POLG: variants seen among roughly 807,000 people sequenced by gnomAD.
POLG encodes the protein DNA polymerase gamma, catalytic subunit.
Under a neutral mutation model 155.4 loss-of-function variants are expected in POLG, and 110 were observed. The observed-to-expected ratio is 0.71, with a 90% CI of 0.61 to 0.83. The LOEUF is 0.83. Among genes scored for constraint, POLG ranks in the 40% least tolerant of loss-of-function variants. POLG has a pLI of 0.00. For synonymous variants in POLG, 701 were observed against 631.5 expected (o/e 1.11, Z -1.65); for missense variants, 1,685 against 1,627.5 (o/e 1.04, Z -0.61).
chr15:89,326,223 C>A (rs996107708), intron 9 of POLG, among the ~76,000 whole-genome samples: 8 of 152,178 alleles, frequency 5.3e-5, no homozygotes, highest in Admixed American at 6.5e-5. Context: ...GGAAGGGGCA[C>A]CTTCTCAAGG....
chr15:89,316,892 A>AGCAAAGGAGCTTAAT, intron 22 of POLG, 65 bp from the exon 23 acceptor site: 1 of 1,156,660 alleles, frequency 8.6e-7, no homozygotes, highest in Non-Finnish European at 1.3e-6. Context: ...CTCAGAAGTG[A>AGCAAAGGAGCTTAAT]GCAAAGGAGC....
chr15:89,325,824 C>T, intron 9 of POLG, 138 bp from the exon 10 acceptor site: 1 of 755,304 alleles, frequency 1.3e-6, no homozygotes, highest in Admixed American at 1.9e-5. Context: ...AGCCGCCATC[C>T]CCTCCTCTGG....
chr15:89,319,741 G>A (rs1209487670), intron 18 of POLG, among the ~76,000 whole-genome samples: 1 of 152,158 alleles, frequency 6.6e-6, no homozygotes, highest in East Asian at 1.9e-4. Context: ...GGGGGGATAG[G>A]GGTAAGAATA....
intron 10 of POLG, 198 bp from the exon 11 acceptor site, chr15:89,324,425 T>C (rs567258251): frequency 2.2e-5 from 15 of 679,548 alleles, no homozygotes; most frequent in Non-Finnish European, 3.9e-5. Flanking sequence ...GGCAGCAGGC[T>C]GGGGTTCAAG....
intron 22 of POLG, 52 bp downstream of exon 22, chr15:89,317,324 C>A: frequency 6.3e-7 from 1 of 1,582,786 alleles, no homozygotes; most frequent in Non-Finnish European, 8.7e-7. Flanking sequence ...GACCCACTTT[C>A]TAGTCCACCT....
In POLG at chr15:89,331,419, C is replaced by A. The variant is rs529988977; in HGVS notation, c.660-1143G>T. Among the ~76,000 whole-genome samples, 7 of 152,270 alleles carry A rather than the reference C, an allele frequency of 4.6e-5. No homozygotes were observed. In the South Asian group the frequency reaches 1.5e-3, roughly 32 times the overall value. On this transcript the variant is annotated intron_variant, in intron 2 of 22. Transcript: ENST00000268124. ...AGGAACTTTGGTTACAGTAAAAAGC[C>A]ACACTGGTGTCAAGATGCAGCTCTG...
Position 89,325,221 on chromosome 15 carries a change from A to AGT in POLG, c.1949+228_1949+229insAC, listed in dbSNP as rs1261996558. Among the ~76,000 whole-genome samples the AGT allele has an allele frequency of 5.2e-5, 5 of 96,726 alleles. 1 individual carries two copies. Among genetic ancestry groups the AGT allele is most frequent in the African/African-American group, 2.5e-4 (5 of 20,320 alleles). 63.5% of individuals were successfully genotyped at this position (96,726 alleles called of 152,430 possible). ...GAGTGAGTGAGAGAGTGAGTGAGTG[A>AGT]GAGAGTGAGTGAGAGAGTGAGTGAG... On this transcript the variant is annotated intron_variant, in intron 10 of 22. Transcript: ENST00000268124.
At chr15:89,328,424 C>A in intron 6 of POLG, 32 bp downstream of exon 6, 1 of 1,560,524 alleles carries the variant, frequency 6.4e-7, no homozygotes, top group Non-Finnish European at 8.8e-7. Context: ...ACACACTGAC[C>A]CCCAGAGATT....
At chr15:89,320,617 C>A in intron 18 of POLG, 149 bp downstream of exon 18, 1 of 895,928 alleles carries the variant, frequency 1.1e-6, no homozygotes, top group Non-Finnish European at 1.7e-6. Flanking sequence ...GACAAATCAT[C>A]CTGGAACCAG....
intron 9 of POLG, among the ~76,000 whole-genome samples, chr15:89,326,262 G>A (rs967104911): frequency 3.9e-5 from 6 of 152,222 alleles, no homozygotes; most frequent in Non-Finnish European, 8.8e-5. Context: ...TCCCGAGGCA[G>A]AGTCAGAACT....
chr15:89,326,871 A>G (rs1162502007), intron 8 of POLG, 41 bp downstream of exon 8: 2 of 1,612,828 alleles, frequency 1.2e-6, no homozygotes, highest in East Asian at 2.2e-5. Context: ...CTTCCCAGAG[A>G]CAACCCCTAC....
chr15:89,332,678 G>T (rs2055609897), intron 2 of POLG, among the ~76,000 whole-genome samples: 1 of 152,060 alleles, frequency 6.6e-6, no homozygotes, highest in African/African-American at 2.4e-5. Flanking sequence ...TACTGCCTGG[G>T]ACAGTCCCAC....
intron 18 of POLG, 36 bp from the exon 19 acceptor site, chr15:89,319,386 T>C: frequency 6.2e-7 from 1 of 1,611,096 alleles, no homozygotes; most frequent in Non-Finnish European, 8.5e-7. Context: ...TCCACGGGAG[T>C]GCTTCCTGTG....
chr15:89,320,970 C>A lies in POLG; in HGVS notation c.2777G>T (p.Ser926Ile). Residue 926 changes from serine (S) to isoleucine (I), a missense_variant, in exon 18 of 23, where the codon AGC becomes ATC. Transcript: ENST00000268124. Reference sequence around the variant, plus strand: ...CTTACTGTGTAGATCAGTGCCCCTGCTCTTCCTGCCCTGCAGTGTCATCCA... The same window carrying A: ...CTTACTGTGTAGATCAGTGCCCCTGATCTTCCTGCCCTGCAGTGTCATCCA... ...FGWMTLQGRK[S>I]RGTDLHSKTA... 6.2e-7 allele frequency: 1 copy of A among 1,613,458 alleles called. No homozygotes were observed. Among genetic ancestry groups the A allele is most frequent in the Non-Finnish European group, 8.5e-7 (1 of 1,179,784 alleles).
rs374183622 is a variant in POLG, at chr15:89,317,465, A to C, written c.3554T>G (p.Ile1185Ser). Residue 1185 changes from isoleucine (I) to serine (S), a missense_variant, in exon 22 of 23, where the codon ATT (isoleucine) becomes AGT (serine). Ile to Ser is a moderately radical substitution (Grantham distance 142). Around this residue, in one of 3 missense-constraint regions of POLG, gnomAD observed 470 missense variants for 439.9 expected, o/e 1.07. Transcript: ENST00000268124. ...QSVAFFSAVD[I>S]DRCLRKEVTM... is the part of the protein sequence containing the mutation. Reference sequence around the variant, plus strand: ...CACTTCCTTCCTGAGGCACCGGTCAATATCGACTGCACTGAAAAAGGCGAC... The same window carrying C: ...CACTTCCTTCCTGAGGCACCGGTCACTATCGACTGCACTGAAAAAGGCGAC... The C allele has an allele frequency of 1.2e-6, 2 of 1,614,130 alleles. No individual in the cohort carries two copies. The highest frequency in any genetic ancestry group is 1.7e-6 in the Non-Finnish European group (2 of 1,179,980).
Position 89,321,460 on chromosome 15 carries a change from C to T in POLG, c.2599-200G>A, listed in dbSNP as rs550666903. Among the ~76,000 whole-genome samples, 51 of 152,326 alleles carry T rather than the reference C, an allele frequency of 3.3e-4. 1 individual carries two copies. Among genetic ancestry groups the T allele is most frequent in the African/African-American group, 1.1e-3 (47 of 41,576 alleles). ...GGTAAAGAATCTACTCTATGCCTAGCGCTATGCCAGACCCCTCACCTACAC... is the reference window on the plus strand; with the variant it reads ...GGTAAAGAATCTACTCTATGCCTAGTGCTATGCCAGACCCCTCACCTACAC... On this transcript the variant is annotated intron_variant, in intron 16 of 22. Transcript: ENST00000268124.
intron 8 of POLG, 32 bp from the exon 9 acceptor site, chr15:89,326,770 G>C (rs761536732): frequency 6.2e-7 from 1 of 1,613,950 alleles, no homozygotes; most frequent in South Asian, 1.1e-5. Context: ...ATCAGGAGCA[G>C]GAGAAGGAAC....
chr15:89,327,764 T>G (rs1241780858), intron 6 of POLG, among the ~76,000 whole-genome samples: 2 of 152,086 alleles, frequency 1.3e-5, no homozygotes, highest in Non-Finnish European at 2.9e-5. Flanking sequence ...CAAGTTCACT[T>G]ACACATTTAT....
intron 9 of POLG, among the ~76,000 whole-genome samples, 182 bp from the exon 10 acceptor site, chr15:89,325,868 AG>A (rs1330991051): frequency 6.6e-6 from 1 of 152,154 alleles, no homozygotes; most frequent in African/African-American, 2.4e-5. Context: ...GGAATCCTCT[AG>A]AAGAATATTT....
Sources: gnomAD v4.1 joint callset for allele counts (sites outside exome capture counted in the v4.1 genomes callset) on GRCh38, gnomAD v4.1.1 for gene constraint, gnomAD v4.1.1 regional missense constraint, MANE v1.5 for transcripts, NCBI Gene and HGNC (gene_info 2026-07-23, HGNC 2026-07-21) for gene names.